The following FOXP2 variants were observed in gnomAD, a reference collection of about 807,000 sequenced individuals.
FOXP2 encodes forkhead box protein P2.
Under a neutral mutation model 115.8 loss-of-function variants are expected in FOXP2, and 12 were observed. The ratio of observed to expected loss-of-function variants is 0.10; its 90% CI spans 0.07 to 0.17. The LOEUF is 0.17. Among genes scored for constraint, FOXP2 ranks in the 10% least tolerant of loss-of-function variants. The pLI is 1.00. For missense variants in FOXP2, 629 were observed against 843.5 expected (o/e 0.75, Z 3.15); for synonymous variants, 328 against 297.7 (o/e 1.10, Z -1.05).
At chr7:114,592,736 T>C (rs1802500749) in intron 3 of FOXP2, among the ~76,000 whole-genome samples, 1 of 152,042 alleles carries the variant, frequency 6.6e-6, no homozygotes, top group Admixed American at 6.6e-5. Flanking sequence ...ATTCAAGTAA[T>C]ATATCTAAGA....
At chr7:114,449,590 AT>A (rs761795571) in intron 2 of FOXP2, among the ~76,000 whole-genome samples, 10 of 152,020 alleles carry the variant, frequency 6.6e-5, no homozygotes, top group Non-Finnish European at 1.2e-4. Context: ...TTCAGCCTTC[AT>A]TTATCATCAC....
In FOXP2 at chr7:114,692,076, T is replaced by C; in HGVS notation, c.*2150T>C. The C allele has an allele frequency of 2.2e-6, 1 of 453,876 alleles. No homozygotes were observed. The allele number at this position is 453,876 out of a possible 1,614,324, so 28.1% of individuals were successfully genotyped here. On this transcript the variant is annotated 3_prime_UTR_variant, in exon 17 of 17. Transcript: ENST00000350908. The stretch of plus-strand genomic sequence containing the variant: ...AACGAACCGGAAGTTTACAATATGG[T>C]ATTAAAAGAAAGATGGGTATGGTGA...
chr7:114,243,656 T>G (rs1489071541), intron 1 of FOXP2, among the ~76,000 whole-genome samples: 1 of 152,200 alleles, frequency 6.6e-6, no homozygotes, highest in African/African-American at 2.4e-5. Flanking sequence ...TAAAATAATA[T>G]TTTCACTCCC....
chr7:114,094,910 A>C (rs1562962243), intron 1 of FOXP2, among the ~76,000 whole-genome samples: 1 of 151,670 alleles, frequency 6.6e-6, no homozygotes, highest in Non-Finnish European at 1.5e-5. Flanking sequence ...ACTCACACCT[A>C]CTCCCATTCC....
intron 1 of FOXP2, among the ~76,000 whole-genome samples, chr7:114,264,229 TG>T (rs1486127520): frequency 2.0e-5 from 3 of 152,228 alleles, no homozygotes; most frequent in African/African-American, 7.2e-5. Flanking sequence ...ATTACTCTGA[TG>T]ACTAATGGAA....
Position 114,297,401 on chromosome 7 carries a change from C to T in FOXP2, c.-11+9292C>T. On this transcript the variant is annotated intron_variant, in intron 2 of 17. Coordinates refer to the FOXP2 transcript ENST00000634411. ...TCACCTTGTGGCCCTTGTTGAGGCC[C>T]ACTGTCATAGGGGTAGCCCAGAGCC... The T allele has an allele frequency of 4.3e-6, 3 of 690,696 alleles. No individual in the cohort carries two copies. The South Asian group carries it at 4.6e-5, about 11-fold the overall frequency. 42.8% of individuals were successfully genotyped at this position (690,696 alleles called of 1,614,324 possible).
At chr7:114,311,457 C>A (rs1396362908) in intron 2 of FOXP2, among the ~76,000 whole-genome samples, 1 of 152,096 alleles carries the variant, frequency 6.6e-6, no homozygotes, top group Non-Finnish European at 1.5e-5. Context: ...GAGACAGGGG[C>A]AGGGTTTTGC....
chr7:114,407,298 G>C (rs1793058084), intron 2 of FOXP2, among the ~76,000 whole-genome samples: 1 of 151,892 alleles, frequency 6.6e-6, no homozygotes, highest in Non-Finnish European at 1.5e-5. Flanking sequence ...AATTTAGATT[G>C]CTTCACTAAT....
chr7:114,530,679 A>G (rs903875404), intron 2 of FOXP2, among the ~76,000 whole-genome samples: 7 of 151,836 alleles, frequency 4.6e-5, no homozygotes, highest in African/African-American at 1.7e-4. Flanking sequence ...GTTACAAAGC[A>G]TTTTCATCCT....
At chr7:114,306,055 G>A (rs183302140) in intron 2 of FOXP2, among the ~76,000 whole-genome samples, 183 of 152,138 alleles carry the variant, frequency 1.2e-3, no homozygotes, top group African/African-American at 4.2e-3. Context: ...ATCACTTTCT[G>A]TGCTACTCCT....
At chr7:114,240,432 T>C (rs1795122925) in intron 1 of FOXP2, among the ~76,000 whole-genome samples, 1 of 152,130 alleles carries the variant, frequency 6.6e-6, no homozygotes, top group Non-Finnish European at 1.5e-5. Flanking sequence ...AAAATGTGGG[T>C]AGAAACTATT....
At chr7:114,154,843 C>A (rs1005712764) in intron 1 of FOXP2, among the ~76,000 whole-genome samples, 1 of 151,916 alleles carries the variant, frequency 6.6e-6, no homozygotes, top group African/African-American at 2.4e-5. Context: ...CCATTTATAC[C>A]CTCTGAGATT....
At chr7:114,153,693 A>G (rs1241735236) in intron 1 of FOXP2, among the ~76,000 whole-genome samples, 1 of 152,128 alleles carries the variant, frequency 6.6e-6, no homozygotes, top group Non-Finnish European at 1.5e-5. Context: ...ATTAATTCTC[A>G]GAGGTGCTAA....
chr7:114,468,626 TC>T (rs1331914087), intron 2 of FOXP2, among the ~76,000 whole-genome samples: 1 of 152,118 alleles, frequency 6.6e-6, no homozygotes, highest in Non-Finnish European at 1.5e-5. Flanking sequence ...TCTTTCTCAT[TC>T]TTTTTAAATC....
At chr7:114,216,982 T>C (rs1249529150) in intron 1 of FOXP2, among the ~76,000 whole-genome samples, 1 of 152,202 alleles carries the variant, frequency 6.6e-6, no homozygotes, top group Admixed American at 6.5e-5. Flanking sequence ...GACATTAAAG[T>C]CCTTCTAATC....
At chr7:114,326,538 A>G (rs777289560) in intron 2 of FOXP2, among the ~76,000 whole-genome samples, 8 of 152,272 alleles carry the variant, frequency 5.3e-5, no homozygotes, top group East Asian at 3.9e-4. Context: ...TGGGATTCCT[A>G]GTACTTGTTT....
rs953743483 is a variant in FOXP2 at position 114,416,800 on chromosome 7, C to T, written c.-11+1440C>T. Among the ~76,000 whole-genome samples the T allele has an allele frequency of 5.3e-5, 8 of 151,802 alleles. No homozygotes were observed. The East Asian group carries it at 5.8e-4, about 11-fold the overall frequency. ...TTAATGATTAGCCTGTTGGTTTTCA[C>T]GGAAAGCAGAGTCCTATACCTAACA... On this transcript the variant is annotated intron_variant, in intron 1 of 16. Coordinates refer to ENST00000350908, the MANE Select transcript of FOXP2 (RefSeq NM_014491.4).
intron 1 of FOXP2, among the ~76,000 whole-genome samples, chr7:114,192,212 C>T (rs1793779862): frequency 7.1e-6 from 1 of 141,638 alleles, no homozygotes; most frequent in South Asian, 2.3e-4. Flanking sequence ...GTCTCTATCT[C>T]TTGACCTCGT....
chr7:114,383,793 T>C (rs1441714200), intron 2 of FOXP2, among the ~76,000 whole-genome samples: 1 of 152,110 alleles, frequency 6.6e-6, no homozygotes, highest in Non-Finnish European at 1.5e-5. Flanking sequence ...ATTTCCCATC[T>C]GAAAAAAGAA....
Sources: gnomAD v4.1 joint callset for allele counts (sites outside exome capture counted in the v4.1 genomes callset) on GRCh38, gnomAD v4.1.1 for gene constraint, MANE v1.5 for transcripts, NCBI Gene and HGNC (gene_info 2026-07-23, HGNC 2026-07-21) for gene names.